CTTNBP2NL: variants seen among roughly 807,000 people sequenced by gnomAD.
The protein encoded by CTTNBP2NL is CTTNBP2 N-terminal-like protein.
In CTTNBP2NL, 16 loss-of-function variants were observed where a neutral mutation model predicts 32.5. The ratio of observed to expected loss-of-function variants is 0.49; its 90% CI spans 0.33 to 0.75. The LOEUF is 0.75. Ranked by LOEUF, CTTNBP2NL falls within the 30% of genes least tolerant of loss-of-function variation. The pLI is 0.02. For synonymous variants in CTTNBP2NL, 298 were observed against 289.4 expected, an observed-to-expected ratio of 1.03 and a Z score of -0.30; for missense variants, 645 against 756.0, an observed-to-expected ratio of 0.85 and a Z score of 1.72.
rs894601000 is a variant in CTTNBP2NL at position 112,457,706 on chromosome 1, C to G, written c.*294C>G. On this transcript the variant is annotated 3_prime_UTR_variant, in exon 6 of 6. Coordinates refer to ENST00000271277, the MANE Select transcript of CTTNBP2NL (RefSeq NM_018704.3). ...GAATCACCAGGTGGTGATTTGCTAT[C>G]TATTTGAGAACTAGAATCACTCAAC... The G allele has an allele frequency of 1.0e-5, 3 of 286,236 alleles. No homozygotes were observed. Among genetic ancestry groups the G allele is most frequent in the African/African-American group, 6.5e-5 (3 of 45,948 alleles). 17.7% of individuals were successfully genotyped at this position (286,236 alleles called of 1,614,324 possible).
intron 3 of CTTNBP2NL, among the ~76,000 whole-genome samples, chr1:112,422,685 A>G (rs564159431): frequency 6.6e-5 from 10 of 152,278 alleles, no homozygotes; most frequent in Middle Eastern, 3.4e-3. Flanking sequence ...TAGGTGTGTA[A>G]TATCTCATTA....
upstream of CTTNBP2NL, among the ~76,000 whole-genome samples, chr1:112,393,059 T>A (rs973948113): frequency 4.6e-5 from 7 of 152,156 alleles, no homozygotes; most frequent in African/African-American, 1.7e-4. Flanking sequence ...GGTTTCACCA[T>A]GTTGGCCAGG....
At chr1:112,448,655 C>T (rs377307553) in intron 3 of CTTNBP2NL, among the ~76,000 whole-genome samples, 11 of 152,028 alleles carry the variant, frequency 7.2e-5, no homozygotes, top group East Asian at 1.9e-4. Context: ...TCAGCAAAAT[C>T]GAGATGATAG....
chr1:112,448,659 A>C (rs1650123957), intron 3 of CTTNBP2NL, among the ~76,000 whole-genome samples: 1 of 152,214 alleles, frequency 6.6e-6, no homozygotes, highest in South Asian at 2.1e-4. Context: ...CAAAATCGAG[A>C]TGATAGCACT....
chr1:112,393,520 T>G (rs1232155210), upstream of CTTNBP2NL, among the ~76,000 whole-genome samples: 8 of 152,228 alleles, frequency 5.3e-5, no homozygotes, highest in African/African-American at 4.8e-5. Flanking sequence ...GAACCATTTT[T>G]TACCTCTGCG....
At chr1:112,436,656 CTTT>C (rs33985347) in intron 3 of CTTNBP2NL, among the ~76,000 whole-genome samples, 2 of 150,626 alleles carry the variant, frequency 1.3e-5, no homozygotes, top group Non-Finnish European at 3.0e-5. Context: ...CTTTAGTACA[CTTT>C]TTTTTTTTTA....
At chr1:112,451,218 A>C (rs1467430315) in intron 4 of CTTNBP2NL, among the ~76,000 whole-genome samples, 1 of 151,614 alleles carries the variant, frequency 6.6e-6, no homozygotes, top group Non-Finnish European at 1.5e-5. Flanking sequence ...CATTTATATT[A>C]CTTTCTTTTA....
chr1:112,391,958 T>C (rs1203490084), upstream of CTTNBP2NL, among the ~76,000 whole-genome samples: 2 of 150,540 alleles, frequency 1.3e-5, no homozygotes, highest in African/African-American at 5.0e-5. Context: ...GCCGCTGCAC[T>C]CCAGTCTGGG....
At chr1:112,394,076 G>A (rs114542120), upstream of CTTNBP2NL, among the ~76,000 whole-genome samples, 4,796 of 152,072 alleles carry the variant, frequency 0.032, 261 homozygotes, top group African/African-American at 0.11. Context: ...CACAGTGACA[G>A]GCGCCTATAA....
intron 3 of CTTNBP2NL, among the ~76,000 whole-genome samples, chr1:112,428,059 T>C (rs1649455319): frequency 1.3e-5 from 2 of 152,014 alleles, no homozygotes; most frequent in African/African-American, 4.8e-5. Flanking sequence ...TCCTTTAATC[T>C]CAATTATAAG....
chr1:112,411,848 A>G (rs1648877550), intron 1 of CTTNBP2NL, among the ~76,000 whole-genome samples: 1 of 152,186 alleles, frequency 6.6e-6, no homozygotes, highest in Non-Finnish European at 1.5e-5. Context: ...ACGCCCGGCT[A>G]AATCTAAGTG....
intron 3 of CTTNBP2NL, among the ~76,000 whole-genome samples, chr1:112,436,583 A>G (rs1649736336): frequency 6.6e-6 from 1 of 152,092 alleles, no homozygotes; most frequent in African/African-American, 2.4e-5. Flanking sequence ...TCTGGCCTCA[A>G]GTGATCTCCT....
intron 5 of CTTNBP2NL, among the ~76,000 whole-genome samples, chr1:112,455,673 AC>A (rs765638941): frequency 6.6e-6 from 1 of 152,238 alleles, no homozygotes; most frequent in Non-Finnish European, 1.5e-5. Flanking sequence ...CTCTCCACAT[AC>A]GTGAAACACA....
intron 1 of CTTNBP2NL, chr1:112,396,619 AT>A (rs370733880): frequency 2.0e-5 from 3 of 152,142 alleles, no homozygotes; most frequent in African/African-American, 7.2e-5. Context: ...CCCCAACCCC[AT>A]TTCGTACCCC....
intron 4 of CTTNBP2NL, 28 bp downstream of exon 4, chr1:112,449,200 T>C: frequency 7.5e-7 from 1 of 1,338,594 alleles, no homozygotes; most frequent in Non-Finnish European, 1.1e-6. Flanking sequence ...GATGTGTAAA[T>C]CTTTGTGAAG....
rs201748043 is a variant in CTTNBP2NL, at chr1:112,457,335, C to G, written c.1843C>G (p.Leu615Val). 6.2e-7 allele frequency: 1 copy of G among 1,614,180 alleles called. No homozygotes were observed. Among genetic ancestry groups the G allele is most frequent in the East Asian group, 2.2e-5 (1 of 44,886 alleles). The change falls in exon 6 of 6, where the codon CTT (leucine) becomes GTT (valine). Residue 615 changes from leucine to valine, a missense_variant. Physicochemically the swap from Leu to Val is conservative, Grantham distance 32. Transcript: ENST00000271277. Reference sequence around the variant, plus strand: ...AGCCTCTTTGACCACTGCAGAAGACCTTGCCAGCAGCTGCTCTTCCAATAC... The same window carrying G: ...AGCCTCTTTGACCACTGCAGAAGACGTTGCCAGCAGCTGCTCTTCCAATAC... ...QAASLTTAED[L>V]ASSCSSNTVV...
intron 2 of CTTNBP2NL, among the ~76,000 whole-genome samples, chr1:112,414,500 A>G (rs1649000235): frequency 6.6e-6 from 1 of 152,258 alleles, no homozygotes; most frequent in African/African-American, 2.4e-5. Flanking sequence ...TTCACTTAAA[A>G]GCAGTAGCTC....
At chr1:112,419,750 G>C (rs745970918) in intron 3 of CTTNBP2NL, among the ~76,000 whole-genome samples, 1 of 152,184 alleles carries the variant, frequency 6.6e-6, no homozygotes, top group Non-Finnish European at 1.5e-5. Flanking sequence ...AAAAAAATCA[G>C]ATATTAGCTT....
chr1:112,419,002 T>C (rs2101004554), intron 3 of CTTNBP2NL, among the ~76,000 whole-genome samples: 1 of 152,342 alleles, frequency 6.6e-6, no homozygotes, highest in South Asian at 2.1e-4. Flanking sequence ...TATTGCTTTA[T>C]TTTAAAGCAT....
Sources: allele counts gnomAD v4.1 joint callset (sites outside exome capture counted in the v4.1 genomes callset), GRCh38; gene constraint gnomAD v4.1.1; transcripts MANE v1.5; gene names NCBI Gene and HGNC (gene_info 2026-07-23, HGNC 2026-07-21).